Variants in G3BP2 observed in about 807,000 individuals in gnomAD.
G3BP2 encodes the protein ras GTPase-activating protein-binding protein 2.
G3BP2 carries 11 observed loss-of-function variants against 56.7 expected under a neutral mutation model. That is an observed-to-expected ratio of 0.19 (90% CI 0.12 to 0.32). The LOEUF (loss-of-function observed/expected upper bound fraction) is 0.32, where lower values mean the gene tolerates loss of function less well. G3BP2 is among the 10% of genes least tolerant of loss of function. G3BP2 has a pLI of 1.00. For missense variants in G3BP2, 340 were observed against 610.9 expected (o/e 0.56, Z 4.67); for synonymous variants, 165 against 191.6 (o/e 0.86, Z 1.15).
intron 3 of G3BP2, among the ~76,000 whole-genome samples, chr4:75,683,494 G>A (rs1718421665): frequency 6.6e-6 from 1 of 151,992 alleles, no homozygotes; most frequent in African/African-American, 2.4e-5. Flanking sequence ...AACCTGGGAG[G>A]TGGAGGTTGC....
At chr4:75,666,761 T>C (rs1578405956) in intron 1 of G3BP2, among the ~76,000 whole-genome samples, 6 of 152,352 alleles carry the variant, frequency 3.9e-5, no homozygotes, top group African/African-American at 1.2e-4. Flanking sequence ...TGTGCCATTT[T>C]TATTATTCAT....
At chr4:75,654,988 AG>A (rs1253683203) in intron 7 of G3BP2, 77 bp downstream of exon 7, 1 of 887,086 alleles carries the variant, frequency 1.1e-6, no homozygotes, top group Non-Finnish European at 1.8e-6. Flanking sequence ...TTAACATAAT[AG>A]AAAAAGGTCA....
chr4:75,656,267 C>T (rs1360204733), intron 5 of G3BP2, among the ~76,000 whole-genome samples: 2 of 149,340 alleles, frequency 1.3e-5, no homozygotes, highest in African/African-American at 5.0e-5. Context: ...ACTGGGATTC[C>T]GGGCATGAGC....
intron 3 of G3BP2, among the ~76,000 whole-genome samples, chr4:75,688,318 C>T (rs1258742858): frequency 2.0e-5 from 3 of 152,224 alleles, no homozygotes; most frequent in Non-Finnish European, 4.4e-5. Flanking sequence ...GCTGGGATTA[C>T]AGGCGTAAGC....
At chr4:75,674,339 G>A (rs1733746352), upstream of G3BP2, among the ~76,000 whole-genome samples, 1 of 152,180 alleles carries the variant, frequency 6.6e-6, no homozygotes, top group Non-Finnish European at 1.5e-5. Context: ...GTGGACGCAA[G>A]CATGTACATC....
intron 3 of G3BP2, chr4:75,694,991 A>C (rs1719044063): frequency 1.1e-6 from 1 of 951,192 alleles, no homozygotes; most frequent in Non-Finnish European, 1.3e-6. Context: ...GACCCGATGA[A>C]TATCCGGGAG....
intron 3 of G3BP2, among the ~76,000 whole-genome samples, chr4:75,699,624 G>T (rs1019651145): frequency 4.6e-5 from 7 of 152,124 alleles, no homozygotes; most frequent in Non-Finnish European, 1.0e-4. Context: ...TATTAGATTT[G>T]ATTCCAATTC....
chr4:75,667,628 A>C (rs1339887591), intron 1 of G3BP2, among the ~76,000 whole-genome samples: 2 of 152,190 alleles, frequency 1.3e-5, no homozygotes, highest in African/African-American at 2.4e-5. Flanking sequence ...GCAGTGGCTC[A>C]TGCCTACTTC....
upstream of G3BP2, among the ~76,000 whole-genome samples, chr4:75,675,396 C>T (rs1347233960): frequency 6.6e-6 from 1 of 152,122 alleles, no homozygotes; most frequent in African/African-American, 2.4e-5. Context: ...ATAGTTGGGC[C>T]CCACTCCCTA....
intron 3 of G3BP2, among the ~76,000 whole-genome samples, chr4:75,685,832 T>G (rs1025925977): frequency 6.6e-6 from 1 of 152,178 alleles, no homozygotes; most frequent in African/African-American, 2.4e-5. Flanking sequence ...CTGTCTCCTT[T>G]GGAGTAGTTT....
chr4:75,649,205 A>G (rs1165833089), intron 8 of G3BP2: 1 of 152,938 alleles, frequency 6.5e-6, no homozygotes, highest in East Asian at 1.9e-4. Context: ...TATTGCCTAA[A>G]TCTCTGCCCA....
At chr4:75,657,761 C>A in intron 3 of G3BP2, 31 bp from the exon 4 acceptor site, 2 of 1,334,686 alleles carry the variant, frequency 1.5e-6, no homozygotes, top group Non-Finnish European at 2.1e-6. Flanking sequence ...AAAATATAAA[C>A]TCTGTGATAC....
chr4:75,671,759 A>T (rs1468773572), intron 1 of G3BP2, among the ~76,000 whole-genome samples: 3 of 152,228 alleles, frequency 2.0e-5, no homozygotes, highest in African/African-American at 7.2e-5. Context: ...ATTTAAGAAA[A>T]ATGTTACTGC....
chr4:75,704,797 T>G (rs1719481160), intron 3 of G3BP2, among the ~76,000 whole-genome samples: 1 of 151,988 alleles, frequency 6.6e-6, no homozygotes, highest in South Asian at 2.1e-4. Flanking sequence ...CATGCCCGGT[T>G]AATTTTTGTA....
intron 3 of G3BP2, among the ~76,000 whole-genome samples, chr4:75,705,789 A>G (rs1276224848): frequency 6.6e-6 from 1 of 152,200 alleles, no homozygotes; most frequent in Non-Finnish European, 1.5e-5. Flanking sequence ...GTGGGCTATG[A>G]AGAAAGAACA....
intron 8 of G3BP2, among the ~76,000 whole-genome samples, chr4:75,651,513 T>A (rs957652260): frequency 2.0e-5 from 3 of 152,232 alleles, no homozygotes; most frequent in Non-Finnish European, 4.4e-5. Context: ...AGATATCTGA[T>A]GATGCCAGTT....
At chr4:75,674,015 G>A (rs960395141), upstream of G3BP2, 3 of 152,408 alleles carry the variant, frequency 2.0e-5, no homozygotes, top group African/African-American at 7.2e-5. Flanking sequence ...TACGAATTTA[G>A]GCATGGCTAA....
intron 3 of G3BP2, among the ~76,000 whole-genome samples, chr4:75,682,785 T>G (rs1015265968): frequency 2.0e-5 from 3 of 151,570 alleles, no homozygotes; most frequent in Non-Finnish European, 4.4e-5. Flanking sequence ...ATCGAGACCA[T>G]CCTGGCCAAC....
chr4:75,687,154 C>G (rs1462617951), intron 3 of G3BP2, among the ~76,000 whole-genome samples: 1 of 151,930 alleles, frequency 6.6e-6, no homozygotes, highest in African/African-American at 2.4e-5. Context: ...GCTCTGTGTC[C>G]CCACCCAAAT....
Sources: gnomAD v4.1 joint callset for allele counts (sites outside exome capture counted in the v4.1 genomes callset) on GRCh38, gnomAD v4.1.1 for gene constraint, MANE v1.5 for transcripts, NCBI Gene and HGNC (gene_info 2026-07-23, HGNC 2026-07-21) for gene names.